Variants in FAM78B observed in about 807,000 individuals in gnomAD.
FAM78B encodes the protein protein FAM78B.
In FAM78B, 10 loss-of-function variants were observed where a neutral mutation model predicts 20.0. The ratio of observed to expected loss-of-function variants is 0.50; its 90% CI spans 0.31 to 0.85. FAM78B has a LOEUF of 0.85. Ranked by LOEUF, FAM78B falls within the 40% of genes least tolerant of loss-of-function variation. The probability of loss-of-function intolerance (pLI) is 0.05; values close to 1 mark genes in which losing one functional copy is unlikely to be tolerated. For synonymous variants in FAM78B, 135 were observed against 132.8 expected (o/e 1.02, Z -0.12); for missense variants, 283 against 345.0 (o/e 0.82, Z 1.42).
Position 166,088,741 on chromosome 1 carries a change from C to T in FAM78B, c.264-17978G>A, listed in dbSNP as rs370034307. On this transcript the variant is annotated intron_variant, in intron 1 of 1. Coordinates refer to ENST00000354422, the MANE Select transcript of FAM78B (RefSeq NM_001017961.5). ...CTTCTGGAGGGATGTAGGACTGACC[C>T]GAAGTATTTGGCCAACCACGGGGAG... Among the ~76,000 whole-genome samples the T allele has an allele frequency of 3.4e-3, 523 of 152,210 alleles. 1 individual carries two copies. Among genetic ancestry groups the T allele is most frequent in the Non-Finnish European group, 5.9e-3 (404 of 68,018 alleles).
At chr1:166,084,238 C>CACA (rs59324558) in intron 1 of FAM78B, among the ~76,000 whole-genome samples, 18 of 62,904 alleles carry the variant, frequency 2.9e-4, no homozygotes, top group African/African-American at 8.6e-4. Context: ...CACACACACA[C>CACA]TCTCTCTCTC....
intron 1 of FAM78B, among the ~76,000 whole-genome samples, chr1:166,104,220 A>G (rs2101749973): frequency 6.6e-6 from 1 of 152,340 alleles, no homozygotes; most frequent in Admixed American, 6.5e-5. Flanking sequence ...AATAAGAGCT[A>G]TTTATGACAA....
chr1:166,070,127 C>A lies in FAM78B; in HGVS notation c.*114G>T. On this transcript the variant is annotated 3_prime_UTR_variant, in exon 2 of 2. Coordinates refer to ENST00000354422, the MANE Select transcript of FAM78B (RefSeq NM_001017961.5). ...CTTCAAAAGTGGCTGCAAAGGCTGG[C>A]AAACCGAGAGGTCTGCTTTGGCTCA... The A allele has an allele frequency of 7.1e-7, 1 of 1,401,422 alleles. No homozygotes were observed. The highest frequency in any genetic ancestry group is 2.5e-5 in the Admixed American group (1 of 39,250). The allele number at this position is 1,401,422 out of a possible 1,614,324, so 86.8% of individuals were successfully genotyped here.
intron 1 of FAM78B, among the ~76,000 whole-genome samples, chr1:166,161,016 G>T (rs1234554989): frequency 6.6e-6 from 1 of 152,238 alleles, no homozygotes; most frequent in Non-Finnish European, 1.5e-5. Flanking sequence ...CTAGAGCAGT[G>T]CAGGGAGGAA....
Position 166,142,753 on chromosome 1 carries a change from A to G in FAM78B, c.263+23233T>C, listed in dbSNP as rs571823996. Among the ~76,000 whole-genome samples, 5 of 152,354 alleles carry G rather than the reference A, an allele frequency of 3.3e-5. No homozygotes were observed. In the South Asian group the frequency reaches 8.3e-4, roughly 25 times the overall value. On this transcript the variant is annotated intron_variant, in intron 1 of 1. Coordinates refer to ENST00000354422, the MANE Select transcript of FAM78B (RefSeq NM_001017961.5). Reference sequence around the variant, plus strand: ...CTCTAGGCACTTTTTAAATGAAATGATGTACGGGTAATGGGTCGTAAAAAG... The same window carrying G: ...CTCTAGGCACTTTTTAAATGAAATGGTGTACGGGTAATGGGTCGTAAAAAG...
intron 1 of FAM78B, among the ~76,000 whole-genome samples, chr1:166,133,937 C>A (rs549683505): frequency 1.3e-5 from 2 of 152,308 alleles, no homozygotes; most frequent in East Asian, 3.9e-4. Context: ...TCCTCATCAC[C>A]CCAAAGGTTA....
intron 1 of FAM78B, among the ~76,000 whole-genome samples, chr1:166,159,292 G>A (rs1425210383): frequency 6.6e-6 from 1 of 152,136 alleles, no homozygotes; most frequent in Non-Finnish European, 1.5e-5. Context: ...TGCAGTCTCA[G>A]CTCGGCCACT....
At chr1:166,056,499 C>T (rs1651349831), downstream of FAM78B, among the ~76,000 whole-genome samples, 1 of 152,146 alleles carries the variant, frequency 6.6e-6, no homozygotes, top group South Asian at 2.1e-4. Flanking sequence ...ACCTCAAGAC[C>T]TCTCTTCCAA....
intron 1 of FAM78B, among the ~76,000 whole-genome samples, chr1:166,125,029 T>C (rs1424534193): frequency 6.6e-6 from 1 of 152,236 alleles, no homozygotes; most frequent in Admixed American, 6.5e-5. Context: ...TTAAGCAAAT[T>C]TGGCTTCTCC....
At chr1:166,084,238 C>CA (rs59324558) in intron 1 of FAM78B, among the ~76,000 whole-genome samples, 1 of 62,906 alleles carries the variant, frequency 1.6e-5, no homozygotes, top group African/African-American at 4.8e-5. Flanking sequence ...CACACACACA[C>CA]TCTCTCTCTC....
At chr1:166,147,110 A>C (rs2101794519) in intron 1 of FAM78B, among the ~76,000 whole-genome samples, 1 of 152,186 alleles carries the variant, frequency 6.6e-6, no homozygotes, top group East Asian at 1.9e-4. Flanking sequence ...GCCTTACCCT[A>C]GGAGAGGTGG....
rs546850195 is a variant in FAM78B, at chr1:166,123,339, G to A, written c.263+42647C>T. ...TCTGTCGGCTCTTGGCCACCTTGCC[G>A]CTCCCATAACGGTGTTTCTCAGGTC... is the stretch of plus-strand genomic sequence containing the variant. On this transcript the variant is annotated intron_variant, in intron 1 of 1. Coordinates refer to ENST00000354422, the MANE Select transcript of FAM78B (RefSeq NM_001017961.5). Among the ~76,000 whole-genome samples the A allele has an allele frequency of 3.3e-5, 5 of 152,314 alleles. No homozygotes were observed. In the South Asian group the frequency reaches 6.2e-4, roughly 19 times the overall value.
intron 2 of FAM78B, among the ~76,000 whole-genome samples, chr1:166,063,562 AAAT>A (rs748223215): frequency 3.3e-4 from 46 of 137,614 alleles, no homozygotes; most frequent in Non-Finnish European, 5.4e-4. Context: ...CTCTGTGAAA[AAAT>A]AATAATAAAA....
intron 1 of FAM78B, among the ~76,000 whole-genome samples, chr1:166,155,859 C>T (rs192037966): frequency 2.0e-5 from 3 of 152,310 alleles, no homozygotes; most frequent in Non-Finnish European, 2.9e-5. Flanking sequence ...CCCTTCACGC[C>T]TCTCTTCCCC....
chr1:166,126,834 G>A lies in FAM78B; in HGVS notation c.263+39152C>T, dbSNP rs1039229136. The stretch of plus-strand genomic sequence containing the variant: ...ATCTTGTCCAAGGTGACATAACCAA[G>A]TATTGGAGCTGGGAATGCACCCAGG... On this transcript the variant is annotated intron_variant, in intron 1 of 1. Transcript: ENST00000354422. Among the ~76,000 whole-genome samples, 3 of 152,358 alleles carry A rather than the reference G, an allele frequency of 2.0e-5. No individual in the cohort carries two copies. The South Asian group carries it at 6.2e-4, about 32-fold the overall frequency.
At chr1:166,154,126 C>T (rs1571209866) in intron 1 of FAM78B, among the ~76,000 whole-genome samples, 1 of 152,232 alleles carries the variant, frequency 6.6e-6, no homozygotes, top group Non-Finnish European at 1.5e-5. Flanking sequence ...GCCCTGCTGT[C>T]AGGGGAGGGC....
chr1:166,150,418 CAGA>C (rs1472295241), intron 1 of FAM78B, among the ~76,000 whole-genome samples: 6 of 152,134 alleles, frequency 3.9e-5, no homozygotes, highest in Non-Finnish European at 8.8e-5. Flanking sequence ...AATTGAGGAA[CAGA>C]AGAATATAGT....
chr1:166,080,765 T>C (rs1345010838), intron 1 of FAM78B, among the ~76,000 whole-genome samples: 1 of 152,240 alleles, frequency 6.6e-6, no homozygotes, highest in Admixed American at 6.5e-5. Flanking sequence ...TTCCGTGTCA[T>C]TGCTGACTTT....
intron 1 of FAM78B, among the ~76,000 whole-genome samples, chr1:166,103,950 C>T (rs556803007): frequency 6.6e-6 from 1 of 152,232 alleles, no homozygotes; most frequent in African/African-American, 2.4e-5. Context: ...TGCAAAAATC[C>T]TCAATAAAAT....
Sources: allele counts gnomAD v4.1 joint callset (sites outside exome capture counted in the v4.1 genomes callset), GRCh38; gene constraint gnomAD v4.1.1; transcripts MANE v1.5; gene names NCBI Gene and HGNC (gene_info 2026-07-23, HGNC 2026-07-21).